RIMBP2: variants seen among roughly 807,000 people sequenced by gnomAD.
RIMBP2 encodes RIMS binding protein 2, also known as RIMS-binding protein 2.
In RIMBP2, 48 loss-of-function variants were observed where a neutral mutation model predicts 118.6. That is an observed-to-expected ratio of 0.40 (90% confidence interval 0.32 to 0.51). The LOEUF (loss-of-function observed/expected upper bound fraction) is 0.51. RIMBP2 is among the 20% of genes least tolerant of loss of function. RIMBP2 has a pLI of 0.41. For missense variants in RIMBP2, 1,551 were observed against 1,768.3 expected (o/e 0.88, Z 2.20); for synonymous variants, 762 against 742.9 (o/e 1.03, Z -0.42).
chr12:130,604,519 C>CACG (rs1566349501), intron 2 of RIMBP2, among the ~76,000 whole-genome samples: 25 of 144,004 alleles, frequency 1.7e-4, no homozygotes, highest in African/African-American at 6.0e-4. Flanking sequence ...ACTCACTCAC[C>CACG]AGAGCAACTT....
intron 15 of RIMBP2, chr12:130,425,841 G>C (rs938429502): frequency 6.6e-6 from 1 of 152,390 alleles, no homozygotes; most frequent in Non-Finnish European, 1.5e-5. Context: ...AGGGCCACTT[G>C]TCTGTCCCCC....
intron 1 of RIMBP2, among the ~76,000 whole-genome samples, chr12:130,666,537 C>T (rs118021125): frequency 2.0e-5 from 3 of 152,162 alleles, no homozygotes; most frequent in Non-Finnish European, 2.9e-5. Flanking sequence ...GTTTCACTAT[C>T]GCCTGCTGTG....
intron 2 of RIMBP2, among the ~76,000 whole-genome samples, chr12:130,536,365 G>A (rs2054085963): frequency 1.3e-5 from 2 of 152,312 alleles, no homozygotes; most frequent in South Asian, 4.2e-4. Flanking sequence ...CTGACTGGCT[G>A]AATTTATTCC....
intron 5 of RIMBP2, among the ~76,000 whole-genome samples, chr12:130,471,098 C>G (rs955439805): frequency 2.0e-5 from 3 of 152,222 alleles, no homozygotes; most frequent in Non-Finnish European, 4.4e-5. Flanking sequence ...GCAGACTTGA[C>G]TCCCAGTCAG....
intron 3 of RIMBP2, among the ~76,000 whole-genome samples, chr12:130,509,789 C>T (rs904960990): frequency 6.6e-6 from 1 of 152,028 alleles, no homozygotes; most frequent in African/African-American, 2.4e-5. Context: ...AACTCTGCTC[C>T]ATCCTCCAGT....
chr12:130,568,179 A>G (rs548183762), intron 2 of RIMBP2, among the ~76,000 whole-genome samples: 1 of 152,348 alleles, frequency 6.6e-6, no homozygotes, highest in Non-Finnish European at 1.5e-5. Context: ...AGAAGAAGGC[A>G]GGGTTTCTCA....
At position 130,450,219 on chromosome 12, in the gene RIMBP2, G is replaced by C; in HGVS notation, c.562C>G (p.Leu188Val). 1 of 1,608,612 alleles carries C rather than the reference G, an allele frequency of 6.2e-7. No individual in the cohort carries two copies. Among genetic ancestry groups the C allele is most frequent in the East Asian group, 2.2e-5 (1 of 44,688 alleles). The change falls in exon 9 of 23, where the codon CTC becomes GTC. Residue 188 changes from leucine to valine, a missense_variant. Transcript: ENST00000690449. This position sits in a 1 kb window ranked among gnomAD's most constrained non-coding sequence, Gnocchi z 4.8. ...SKQRYSGKVH[L>V]CVARYSYNPF... is the part of the protein sequence containing the mutation. ...ACTTACCTATAGCGGGCAACACAGA[G>C]GTGGACCTTCCCCGAGTATCTCTGC...
Position 130,450,100 on chromosome 12 carries a change from T to A in RIMBP2, c.581+100A>T. 1.3e-6 allele frequency: 1 copy of A among 768,126 alleles called. No individual in the cohort carries two copies. The highest frequency in any genetic ancestry group is 1.8e-5 in the African/African-American group (1 of 56,926). The allele number at this position is 768,126 out of a possible 1,614,324, so 47.6% of individuals were successfully genotyped here. ...GAAATCCCACCTTCTCCTCGTGCCC[T>A]GGGAGAAGGGAACTTCTCAGACCCC... On this transcript the variant is annotated intron_variant, in intron 9 of 22. Transcript: ENST00000690449. This position sits in a 1 kb window ranked among gnomAD's most constrained non-coding sequence, Gnocchi z 4.8.
chr12:130,533,127 G>A (rs1418569004), intron 2 of RIMBP2, among the ~76,000 whole-genome samples: 1 of 129,328 alleles, frequency 7.7e-6, no homozygotes, highest in Admixed American at 7.8e-5. Context: ...CCTCTAGGAG[G>A]GACGTCTAAT....
Position 130,670,253 on chromosome 12 carries a change from C to T in RIMBP2, c.-351-41797G>A, listed in dbSNP as rs2064138591. On this transcript the variant is annotated intron_variant, in intron 1 of 22. Coordinates refer to ENST00000690449, the MANE Select transcript of RIMBP2 (RefSeq NM_001393629.1). This position sits in a 1 kb window ranked among gnomAD's most constrained non-coding sequence, Gnocchi z 4.9. ...GACACCATGATCCCGGCCCCAGGAC[C>T]TCAGACTTCCGATCTCCAGAACTGA... 2.6e-5 allele frequency among the ~76,000 whole-genome samples: 4 copies of T among 152,148 alleles called. No homozygotes were observed. The highest frequency in any genetic ancestry group is 4.2e-4 in the South Asian group (2 of 4,798).
rs1311526357 is a variant in RIMBP2, at chr12:130,431,361, C to T, written c.2254-3024G>A. 1.7e-5 allele frequency: 6 copies of T among 354,618 alleles called. No homozygotes were observed. Among genetic ancestry groups the T allele is most frequent in the Admixed American group, 5.5e-5 (2 of 36,288 alleles). The allele number at this position is 354,618 out of a possible 1,614,324, so 22.0% of individuals were successfully genotyped here. A position where few individuals can be genotyped will look rare whatever the true frequency, so the allele number is the denominator to read the frequency against. ...AAGCGGATGGTCAGGGAACACTTCC[C>T]GGGTTGTAAAACTGGCAGTCTGTGC... On this transcript the variant is annotated intron_variant, in intron 14 of 22. Transcript: ENST00000690449. This position sits in a 1 kb window ranked among gnomAD's most constrained non-coding sequence, Gnocchi z 4.0.
chr12:130,471,226 G>A (rs1470965359), intron 5 of RIMBP2, among the ~76,000 whole-genome samples: 2 of 152,198 alleles, frequency 1.3e-5, no homozygotes, highest in Non-Finnish European at 2.9e-5. Flanking sequence ...CAAAGCACTG[G>A]CGGCAAAGCC....
chr12:130,453,478 C>G (rs988567168), intron 7 of RIMBP2, among the ~76,000 whole-genome samples: 4 of 152,256 alleles, frequency 2.6e-5, no homozygotes, highest in Non-Finnish European at 5.9e-5. Context: ...CAGATTTGAA[C>G]ACAATGGGAT....
intron 6 of RIMBP2, among the ~76,000 whole-genome samples, chr12:130,457,334 G>C (rs774581170): frequency 6.6e-6 from 1 of 152,166 alleles, no homozygotes; most frequent in Non-Finnish European, 1.5e-5. Flanking sequence ...GGGAGCCCTG[G>C]GGAAGGCAAG....
At position 130,589,086 on chromosome 12, in the gene RIMBP2, T is replaced by C. The variant is rs550990314; in HGVS notation, c.-217+39236A>G. ...TCGATAAGACTTGCTAACCAGTAAT[T>C]GAAAAATCAATATTCAGATCTCCAG... On this transcript the variant is annotated intron_variant, in intron 2 of 22. Transcript: ENST00000690449. Among the ~76,000 whole-genome samples, 5 of 152,334 alleles carry C rather than the reference T, an allele frequency of 3.3e-5. No individual in the cohort carries two copies. In the South Asian group the frequency reaches 1.0e-3, roughly 32 times the overall value.
chr12:130,455,852 C>T (rs895048567), intron 7 of RIMBP2, among the ~76,000 whole-genome samples: 1 of 152,028 alleles, frequency 6.6e-6, no homozygotes, highest in African/African-American at 2.4e-5. Context: ...TCAGCCAGGA[C>T]GTAGCACCTC....
chr12:130,531,114 ATATATC>A (rs1566206031), intron 2 of RIMBP2, among the ~76,000 whole-genome samples: 1 of 152,226 alleles, frequency 6.6e-6, no homozygotes, highest in Non-Finnish European at 1.5e-5. Context: ...TCATCAAGTG[ATATATC>A]TATGGCCATA....
chr12:130,640,629 C>A (rs1174442437), intron 1 of RIMBP2, among the ~76,000 whole-genome samples: 1 of 152,200 alleles, frequency 6.6e-6, no homozygotes, highest in Non-Finnish European at 1.5e-5. Flanking sequence ...CTGTGATGAC[C>A]TGCGCTTGTT....
At chr12:130,479,385 C>T (rs1403981175) in intron 4 of RIMBP2, among the ~76,000 whole-genome samples, 2 of 152,204 alleles carry the variant, frequency 1.3e-5, no homozygotes, top group Non-Finnish European at 2.9e-5. Context: ...ACAGCAAAGG[C>T]TTATTGATGC....
Sources: gnomAD v4.1 joint callset for allele counts (sites outside exome capture counted in the v4.1 genomes callset) on GRCh38, gnomAD v4.1.1 for gene constraint, Gnocchi (gnomAD v3.1) non-coding constraint, MANE v1.5 for transcripts, NCBI Gene and HGNC (gene_info 2026-07-23, HGNC 2026-07-21) for gene names.